The following POFUT3 variants were observed in gnomAD, a reference collection of about 807,000 sequenced individuals.
The protein encoded by POFUT3 is protein O-fucosyltransferase 3.
the POFUT3 span, among the ~76,000 whole-genome samples, chr8:33,384,412 C>G: frequency 6.6e-6 from 1 of 152,176 alleles, no homozygotes; most frequent in Non-Finnish European, 1.5e-5. Flanking sequence ...TCCTTTTACT[C>G]GAGAAGGAAT....
At chr8:33,346,139 T>G in the POFUT3 span, among the ~76,000 whole-genome samples, 2 of 143,998 alleles carry the variant, frequency 1.4e-5, no homozygotes, top group South Asian at 4.4e-4. Context: ...ATTTTTAAAT[T>G]ATAGCCACTG....
At chr8:33,324,779 T>C in the POFUT3 span, among the ~76,000 whole-genome samples, 6 of 151,230 alleles carry the variant, frequency 4.0e-5, no homozygotes, top group South Asian at 8.4e-4. Context: ...GCCTATGTAA[T>C]AGATGAATTT....
chr8:33,407,769 G>A, the POFUT3 span, among the ~76,000 whole-genome samples: 4 of 152,016 alleles, frequency 2.6e-5, no homozygotes, highest in East Asian at 5.8e-4. Flanking sequence ...TTGGGAGGCC[G>A]AGGCAGGCAG....
the POFUT3 span, among the ~76,000 whole-genome samples, chr8:33,449,634 C>T: frequency 1.3e-5 from 2 of 151,964 alleles, no homozygotes; most frequent in South Asian, 2.1e-4. Flanking sequence ...GGACTGACTC[C>T]TCAACACCAT....
the POFUT3 span, among the ~76,000 whole-genome samples, chr8:33,441,836 T>C: frequency 6.6e-6 from 1 of 152,180 alleles, no homozygotes. Flanking sequence ...TAGACCTGGA[T>C]GGGGGCCATC....
the POFUT3 span, among the ~76,000 whole-genome samples, chr8:33,456,360 TA>T: frequency 1.3e-5 from 2 of 152,082 alleles, no homozygotes; most frequent in African/African-American, 2.4e-5. Flanking sequence ...ATTTATTTTT[TA>T]TTTTTTTATT....
the POFUT3 span, among the ~76,000 whole-genome samples, chr8:33,329,432 C>T: frequency 6.6e-6 from 1 of 152,284 alleles, no homozygotes. Context: ...AAAGGAGAGG[C>T]TGTTACCTTT....
chr8:33,449,414 T>C, the POFUT3 span, among the ~76,000 whole-genome samples: 169 of 149,988 alleles, frequency 1.1e-3, no homozygotes, highest in African/African-American at 3.9e-3. Flanking sequence ...CTCAGCCTAC[T>C]GAGTAGCTGG....
the POFUT3 span, chr8:33,436,294 CTG>C: frequency 7.4e-7 from 1 of 1,348,408 alleles, no homozygotes; most frequent in Non-Finnish European, 1.1e-6. Flanking sequence ...CTGTGAAACT[CTG>C]TGTTATCAAG....
the POFUT3 span, chr8:33,389,933 G>C: frequency 1.5e-6 from 1 of 651,746 alleles, no homozygotes; most frequent in African/African-American, 1.8e-5. Flanking sequence ...GGTGGCTCAC[G>C]CCTGTAATCC....
chr8:33,467,351 C>T, the POFUT3 span, among the ~76,000 whole-genome samples: 7 of 150,358 alleles, frequency 4.7e-5, no homozygotes, highest in Non-Finnish European at 8.8e-5. Context: ...GAACTGAAGG[C>T]GATGCCATTC....
chr8:33,374,794 T>A, the POFUT3 span, among the ~76,000 whole-genome samples: 1 of 152,134 alleles, frequency 6.6e-6, no homozygotes, highest in Non-Finnish European at 1.5e-5. Flanking sequence ...AAAATGAATG[T>A]CCATTTTAGT....
chr8:33,465,405 T>TATATATATATATATATATACAC, the POFUT3 span, among the ~76,000 whole-genome samples: 1 of 139,602 alleles, frequency 7.2e-6, no homozygotes, highest in African/African-American at 2.7e-5. Flanking sequence ...TATATATATA[T>TATATATATATATATATATACAC]ACACACATAC....
the POFUT3 span, among the ~76,000 whole-genome samples, chr8:33,367,365 C>T: frequency 6.6e-6 from 1 of 152,232 alleles, no homozygotes; most frequent in East Asian, 1.9e-4. Context: ...CTACCCCAAC[C>T]TATTCCTTTA....
the POFUT3 span, among the ~76,000 whole-genome samples, chr8:33,439,595 C>A: frequency 6.6e-6 from 1 of 151,440 alleles, no homozygotes; most frequent in Non-Finnish European, 1.5e-5. Flanking sequence ...CAGCCGGGCG[C>A]GGTTGCTTAT....
the POFUT3 span, among the ~76,000 whole-genome samples, chr8:33,466,771 C>T: frequency 6.6e-6 from 1 of 152,034 alleles, no homozygotes; most frequent in Non-Finnish European, 1.5e-5. Flanking sequence ...CAAAAGAGAA[C>T]AGTAAGGGAG....
chr8:33,393,754 T>C, the POFUT3 span, among the ~76,000 whole-genome samples: 2 of 152,226 alleles, frequency 1.3e-5, no homozygotes, highest in Admixed American at 1.3e-4. Flanking sequence ...CAATGTTGAT[T>C]CCATGGAATG....
At chr8:33,458,491 A>G in the POFUT3 span, among the ~76,000 whole-genome samples, 4 of 151,998 alleles carry the variant, frequency 2.6e-5, no homozygotes, top group Non-Finnish European at 5.9e-5. Flanking sequence ...AAGGCGGGTG[A>G]ATCACTTGAG....
the POFUT3 span, among the ~76,000 whole-genome samples, chr8:33,413,238 G>A: frequency 6.6e-6 from 1 of 152,154 alleles, no homozygotes. Context: ...GAGAGTCTTT[G>A]GGAGGTAATT....
Sources: gnomAD v4.1 joint callset for allele counts (sites outside exome capture counted in the v4.1 genomes callset) on GRCh38, gnomAD v4.1.1 for gene constraint, MANE v1.5 for transcripts, NCBI Gene and HGNC (gene_info 2026-07-23, HGNC 2026-07-21) for gene names.